The following FGF12 variants were observed in gnomAD, a reference collection of about 807,000 sequenced individuals.
FGF12 encodes fibroblast growth factor 12B.
A neutral mutation model predicts 23.6 loss-of-function variants in FGF12; 14 were observed. The observed-to-expected ratio is 0.59, with a 90% CI of 0.39 to 0.93. The LOEUF (loss-of-function observed/expected upper bound fraction) is 0.93. Among genes scored for constraint, FGF12 ranks in the 40% least tolerant of loss-of-function variants. The pLI is 0.00. For synonymous variants in FGF12, 62 were observed against 77.3 expected, an observed-to-expected ratio of 0.80 and a Z score of 1.04; for missense variants, 175 against 217.8, an observed-to-expected ratio of 0.80 and a Z score of 1.24.
intron 5 of FGF12, among the ~76,000 whole-genome samples, chr3:192,144,973 T>C (rs142636509): frequency 6.6e-6 from 1 of 152,252 alleles, no homozygotes; most frequent in South Asian, 2.1e-4. Flanking sequence ...TATCAGGAGT[T>C]ACTTTTATCC....
At chr3:192,656,021 C>G (rs1387743426) in intron 2 of FGF12, among the ~76,000 whole-genome samples, 1 of 144,898 alleles carries the variant, frequency 6.9e-6, no homozygotes, top group Non-Finnish European at 1.5e-5. Context: ...AAGAAATTCC[C>G]TCATCCAGGA....
intron 2 of FGF12, among the ~76,000 whole-genome samples, chr3:192,618,792 A>T (rs1714861471): frequency 1.3e-5 from 2 of 151,836 alleles, no homozygotes; most frequent in South Asian, 2.1e-4. Context: ...CAGTAAGAGG[A>T]TTTGCTCTTT....
intron 5 of FGF12, among the ~76,000 whole-genome samples, chr3:192,167,730 GGT>G (rs1577195476): frequency 3.0e-5 from 1 of 33,688 alleles, no homozygotes; most frequent in Non-Finnish European, 4.7e-5. Context: ...GTAGGTTATA[GGT>G]ATATATATAT....
intron 2 of FGF12, among the ~76,000 whole-genome samples, chr3:192,508,523 T>C (rs558640392): frequency 5.5e-4 from 84 of 152,336 alleles, no homozygotes; most frequent in African/African-American, 2.0e-3. Context: ...CTTGCACCTT[T>C]CTAAGAAGCT....
chr3:192,296,062 C>CTTTTTTTTTTTT lies in FGF12; in HGVS notation c.228+39287_228+39298dup, dbSNP rs34021285. On this transcript the variant is annotated intron_variant, in intron 4 of 5. Coordinates refer to ENST00000445105, the MANE Select transcript of FGF12 (RefSeq NM_004113.6). Reference sequence around the variant, plus strand: ...ATGCTGACTAACTTTGTTTTTCTTTCTTTTTTTTTTTTTTTTTTTTTTTTG... The same window carrying CTTTTTTTTTTTT: ...ATGCTGACTAACTTTGTTTTTCTTTCTTTTTTTTTTTTTTTTTTTTTTTTTTTTTTTTTTTTG... 1.2e-4 allele frequency among the ~76,000 whole-genome samples: 9 copies of CTTTTTTTTTTTT among 78,086 alleles called. 1 individual carries two copies. Among genetic ancestry groups the CTTTTTTTTTTTT allele is most frequent in the Non-Finnish European group, 1.7e-4 (7 of 42,424 alleles). 51.2% of individuals were successfully genotyped at this position (78,086 alleles called of 152,430 possible). A position where few individuals can be genotyped will look rare whatever the true frequency, so the allele number is the denominator to read the frequency against.
At chr3:192,308,672 C>T (rs1213477415) in intron 4 of FGF12, among the ~76,000 whole-genome samples, 4 of 149,950 alleles carry the variant, frequency 2.7e-5, no homozygotes, top group African/African-American at 9.9e-5. Flanking sequence ...AAGAACGAAA[C>T]TCCATCTCAA....
chr3:192,336,108 T>TACACACACACACACACACACAC lies in FGF12; in HGVS notation c.125-666_125-645dup, dbSNP rs34991386. On this transcript the variant is annotated intron_variant, in intron 3 of 5. Transcript: ENST00000445105. This position sits in a 1 kb window ranked among gnomAD's most constrained non-coding sequence, Gnocchi z 4.3. ...ATATATTTTATATCCAGGTGGGAAA[T>TACACACACACACACACACACAC]ACACACACACACACACACACACACA... is the stretch of plus-strand genomic sequence containing the variant. Among the ~76,000 whole-genome samples the TACACACACACACACACACACAC allele has an allele frequency of 1.3e-3, 181 of 144,012 alleles. No homozygotes were observed. The highest frequency in any genetic ancestry group is 2.0e-3 in the Non-Finnish European group (129 of 65,528). 94.5% of individuals were successfully genotyped at this position (144,012 alleles called of 152,430 possible).
chr3:192,517,012 G>C (rs1724689073), intron 2 of FGF12: 1 of 152,208 alleles, frequency 6.6e-6, no homozygotes, highest in East Asian at 1.9e-4. Context: ...CGGTTTTCCG[G>C]TAGGGCTCTC....
At chr3:192,494,936 C>T (rs9827667) in intron 2 of FGF12, among the ~76,000 whole-genome samples, 124,978 of 152,098 alleles carry the variant, frequency 0.82, 52,247 homozygotes, top group Non-Finnish European at 0.9. Flanking sequence ...TCTCAGCTCA[C>T]TGCAAACTCT....
intron 2 of FGF12, among the ~76,000 whole-genome samples, chr3:192,711,630 T>G (rs1040554837): frequency 6.6e-6 from 1 of 152,232 alleles, no homozygotes; most frequent in Admixed American, 6.5e-5. Flanking sequence ...GGGATGCTGT[T>G]GATCTATGAC....
intron 2 of FGF12, among the ~76,000 whole-genome samples, chr3:192,714,513 ATTT>A (rs770781442): frequency 2.0e-5 from 2 of 99,752 alleles, no homozygotes; most frequent in African/African-American, 4.2e-5. Context: ...TAAGGAAATA[ATTT>A]TTTTTTTTTT....
intron 2 of FGF12, among the ~76,000 whole-genome samples, chr3:192,529,120 A>C (rs149177628): frequency 1.6e-3 from 238 of 152,328 alleles, no homozygotes; most frequent in African/African-American, 5.4e-3. Flanking sequence ...GTCAGGCTGC[A>C]AATTTTCCCA....
chr3:192,172,516 T>C (rs375349511), intron 4 of FGF12, among the ~76,000 whole-genome samples: 15 of 150,878 alleles, frequency 9.9e-5, no homozygotes, highest in African/African-American at 2.9e-4. Flanking sequence ...TACTGAAATA[T>C]GATTTCTTAG....
chr3:192,550,310 TATATA>T (rs777002825), intron 2 of FGF12, among the ~76,000 whole-genome samples: 2 of 150,518 alleles, frequency 1.3e-5, no homozygotes, highest in Admixed American at 6.7e-5. Context: ...TGTGCAAACA[TATATA>T]ATATATTCCT....
intron 2 of FGF12, among the ~76,000 whole-genome samples, chr3:192,517,892 C>G (rs1027475512): frequency 2.0e-5 from 3 of 152,080 alleles, no homozygotes; most frequent in Admixed American, 1.3e-4. Flanking sequence ...ACACAGAGTA[C>G]AGTCTTTCTG....
intron 4 of FGF12, among the ~76,000 whole-genome samples, chr3:192,171,595 A>C (rs1384650628): frequency 1.3e-5 from 2 of 152,212 alleles, no homozygotes; most frequent in African/African-American, 4.8e-5. Flanking sequence ...GGAAGGAAGA[A>C]ATTTCTCCCC....
intron 2 of FGF12, among the ~76,000 whole-genome samples, chr3:192,639,515 C>T (rs79619965): frequency 0.097 from 14,693 of 152,212 alleles, 901 homozygotes; most frequent in Non-Finnish European, 0.14. Context: ...TTCATTGTAA[C>T]GTTATTCACA....
intron 4 of FGF12, among the ~76,000 whole-genome samples, chr3:192,217,582 T>G (rs1718255696): frequency 6.6e-6 from 1 of 152,216 alleles, no homozygotes; most frequent in Non-Finnish European, 1.5e-5. Flanking sequence ...CAAGTCTCTT[T>G]GCCATCATGT....
chr3:192,694,554 T>C (rs1166172241), intron 2 of FGF12, among the ~76,000 whole-genome samples: 1 of 152,044 alleles, frequency 6.6e-6, no homozygotes, highest in Non-Finnish European at 1.5e-5. Flanking sequence ...TATGTGTGTG[T>C]ACATATATAC....
Sources: gnomAD v4.1 joint callset for allele counts (sites outside exome capture counted in the v4.1 genomes callset) on GRCh38, gnomAD v4.1.1 for gene constraint, Gnocchi (gnomAD v3.1) non-coding constraint, MANE v1.5 for transcripts, NCBI Gene and HGNC (gene_info 2026-07-23, HGNC 2026-07-21) for gene names.